Variants in TOPAZ1 observed in about 807,000 individuals in gnomAD.
TOPAZ1 encodes protein TOPAZ1.
TOPAZ1 carries 66 observed loss-of-function variants against 172.2 expected under a neutral mutation model. The ratio of observed to expected loss-of-function variants is 0.38; its 90% confidence interval spans 0.31 to 0.47. The LOEUF is 0.47. TOPAZ1 is among the 20% of genes least tolerant of loss of function. The probability of loss-of-function intolerance (pLI) is 0.99; values close to 1 mark genes in which losing one functional copy is unlikely to be tolerated. For missense variants in TOPAZ1, 1,822 were observed against 1,972.4 expected, an observed-to-expected ratio of 0.92 and a Z score of 1.44; for synonymous variants, 681 against 683.9, an observed-to-expected ratio of 1.00 and a Z score of 0.07.
intron 17 of TOPAZ1, among the ~76,000 whole-genome samples, chr3:44,322,673 T>A (rs970245665): frequency 6.6e-6 from 1 of 152,054 alleles, no homozygotes; most frequent in Non-Finnish European, 1.5e-5. Context: ...GATCAGACGA[T>A]ATGGGCGTGT....
intron 13 of TOPAZ1, among the ~76,000 whole-genome samples, 186 bp downstream of exon 13, chr3:44,304,267 A>C (rs931645663): frequency 1.3e-5 from 2 of 152,200 alleles, no homozygotes; most frequent in Non-Finnish European, 2.9e-5. Context: ...CAAACGTTTT[A>C]ATTTCTAGAG....
At chr3:44,305,109 C>G (rs1301187799) in intron 13 of TOPAZ1, 38 bp from the exon 14 acceptor site, 2 of 1,400,366 alleles carry the variant, frequency 1.4e-6, no homozygotes, top group Non-Finnish European at 1.9e-6. Flanking sequence ...AGTTTTCATT[C>G]TTTTTCTTTT....
downstream of TOPAZ1, among the ~76,000 whole-genome samples, chr3:44,333,963 G>A (rs142823620): frequency 6.2e-4 from 94 of 152,272 alleles, no homozygotes; most frequent in East Asian, 0.015. Context: ...AATTTGGACC[G>A]TATTAGCCAT....
chr3:44,256,883 G>A (rs916047501), intron 4 of TOPAZ1, among the ~76,000 whole-genome samples: 7 of 152,042 alleles, frequency 4.6e-5, no homozygotes, highest in African/African-American at 1.7e-4. Flanking sequence ...ATTGACTTAC[G>A]GGACATATGC....
chr3:44,258,384 C>T (rs1699738828), intron 4 of TOPAZ1, among the ~76,000 whole-genome samples: 1 of 152,182 alleles, frequency 6.6e-6, no homozygotes, highest in African/African-American at 2.4e-5. Context: ...CAAGATATTA[C>T]AGAACATTTC....
chr3:44,276,570 T>C (rs1240039793), intron 8 of TOPAZ1, among the ~76,000 whole-genome samples: 1 of 151,416 alleles, frequency 6.6e-6, no homozygotes, highest in Non-Finnish European at 1.5e-5. Flanking sequence ...TTTTGTTTAC[T>C]GTATCCTTAT....
At chr3:44,255,718 CACATAT>C (rs1337271320) in intron 3 of TOPAZ1, among the ~76,000 whole-genome samples, 25 of 16,388 alleles carry the variant, frequency 1.5e-3, no homozygotes, top group East Asian at 9.8e-3. Context: ...CACACACACA[CACATAT>C]ATATATGGTT....
intron 16 of TOPAZ1, among the ~76,000 whole-genome samples, chr3:44,317,620 A>C (rs1304927330): frequency 6.6e-6 from 1 of 152,222 alleles, no homozygotes; most frequent in Non-Finnish European, 1.5e-5. Context: ...GAATGTGCAT[A>C]TGTCAGAAGG....
In TOPAZ1 at chr3:44,328,298, G is replaced by A. The variant is rs780738707; in HGVS notation, c.4724G>A (p.Arg1575Gln). The change falls in exon 19 of 20, where the codon CGA becomes CAA. Residue 1575 changes from arginine (R) to glutamine (Q), a missense_variant. Physicochemically the swap from Arg to Gln is conservative, Grantham distance 43. Transcript: ENST00000309765. ...CYPPLEGNLYRKLLLIPSYLS... is the reference protein window; with the variant it reads ...CYPPLEGNLYQKLLLIPSYLS... ...CCACCATTGGAAGGAAATTTATACC[G>A]AAAACTTCTTCTAATTCCATCTTAT... The A allele has an allele frequency of 9.2e-5, 139 of 1,511,664 alleles. 1 individual carries two copies. The highest frequency in any genetic ancestry group is 8.3e-4 in the South Asian group (64 of 77,260). The allele number at this position is 1,511,664 out of a possible 1,614,324, so 93.6% of individuals were successfully genotyped here.
At chr3:44,277,209 C>A (rs941685925) in intron 8 of TOPAZ1, among the ~76,000 whole-genome samples, 4 of 152,162 alleles carry the variant, frequency 2.6e-5, no homozygotes, top group Non-Finnish European at 4.4e-5. Flanking sequence ...TTGTAGAGAT[C>A]TTTTACCTCA....
In TOPAZ1 at chr3:44,298,909, ATTTTTTTTT is replaced by A. The variant is rs1220596657; in HGVS notation, c.3798-5089_3798-5081del. Among the ~76,000 whole-genome samples, 53 of 41,300 alleles carry A rather than the reference ATTTTTTTTT, an allele frequency of 1.3e-3. 1 individual carries two copies. The highest frequency in any genetic ancestry group is 1.9e-3 in the Non-Finnish European group (45 of 23,136). The allele number at this position is 41,300 out of a possible 152,430, so 27.1% of individuals were successfully genotyped here. A position where few individuals can be genotyped will look rare whatever the true frequency, so the allele number is the denominator to read the frequency against. ...ATATATATTATATATATATATATAT[ATTTTTTTTT>A]TTTTTTTTTTTTTTTTCCCCCTGAG... On this transcript the variant is annotated intron_variant, in intron 12 of 19. Coordinates refer to ENST00000309765, the MANE Select transcript of TOPAZ1 (RefSeq NM_001145030.2).
intron 12 of TOPAZ1, among the ~76,000 whole-genome samples, chr3:44,303,479 C>CTTTTTTTTTTTT (rs34565826): frequency 9.1e-6 from 1 of 109,946 alleles, no homozygotes; most frequent in Admixed American, 9.6e-5. Context: ...TGCTTGCTTG[C>CTTTTTTTTTTTT]TTTTTTTTTT....
intron 18 of TOPAZ1, among the ~76,000 whole-genome samples, 186 bp downstream of exon 18, chr3:44,323,481 C>T (rs1291969853): frequency 1.3e-5 from 2 of 152,170 alleles, no homozygotes; most frequent in Non-Finnish European, 2.9e-5. Flanking sequence ...TTTCCAGTTG[C>T]TTTCCTTATT....
rs963629733 is a variant in TOPAZ1, at chr3:44,317,491, G to A, written c.4307-3536G>A. On this transcript the variant is annotated intron_variant, in intron 16 of 19. Transcript: ENST00000309765. ...TATCTTTAGATACTCCCCCATTTTA[G>A]TATTTACTGTTGGAAAAGATAATTA... Among the ~76,000 whole-genome samples the A allele has an allele frequency of 2.6e-5, 4 of 152,148 alleles. No homozygotes were observed. The East Asian group carries it at 5.8e-4, about 22-fold the overall frequency.
chr3:44,255,710 CACACACACACAT>C (rs745476165), intron 3 of TOPAZ1, among the ~76,000 whole-genome samples: 10,914 of 112,618 alleles, frequency 0.097, 1,078 homozygotes, highest in African/African-American at 0.17. Context: ...CACACACACA[CACACACACACAT>C]ATATATATGG....
chr3:44,282,643 G>T (rs1700035939), intron 9 of TOPAZ1, among the ~76,000 whole-genome samples: 1 of 152,066 alleles, frequency 6.6e-6, no homozygotes, highest in Non-Finnish European at 1.5e-5. Context: ...CATACTAATA[G>T]TGAGCTGCAA....
rs1559520819 is a variant in TOPAZ1 at position 44,242,133 on chromosome 3, C to T, written c.80C>T (p.Ala27Val). 6.5e-7 allele frequency: 1 copy of T among 1,548,874 alleles called. No homozygotes were observed. Among genetic ancestry groups the T allele is most frequent in the Non-Finnish European group, 8.7e-7 (1 of 1,146,524 alleles). The part of the protein sequence containing the change: ...GNVRNLQKRQ[A>V]PGPGAAGGCG... ...GTGCGAAACCTGCAGAAGCGGCAGG[C>T]GCCAGGGCCAGGCGCGGCGGGAGGC... Residue 27 changes from alanine (A) to valine (V), a missense_variant, in exon 1 of 20, where the codon GCG (alanine) becomes GTG (valine). Ala to Val is a moderately conservative substitution (Grantham distance 64, BLOSUM62 0). Around this residue, in one of 2 missense-constraint regions of TOPAZ1, gnomAD observed 1,489 missense variants for 1,490.8 expected, o/e 1.00. Coordinates refer to ENST00000309765, the MANE Select transcript of TOPAZ1 (RefSeq NM_001145030.2).
chr3:44,267,612 G>T (rs1289846234), intron 6 of TOPAZ1, among the ~76,000 whole-genome samples: 1 of 151,994 alleles, frequency 6.6e-6, no homozygotes, highest in Non-Finnish European at 1.5e-5. Flanking sequence ...TACTTTTGAT[G>T]GAACAACGTG....
chr3:44,323,727 G>T (rs182089590), intron 18 of TOPAZ1, among the ~76,000 whole-genome samples: 1 of 152,280 alleles, frequency 6.6e-6, no homozygotes, highest in East Asian at 1.9e-4. Flanking sequence ...GAAGCATAAA[G>T]GCTGTCATAA....
Sources: allele counts gnomAD v4.1 joint callset (sites outside exome capture counted in the v4.1 genomes callset), GRCh38; gene constraint gnomAD v4.1.1; regional missense constraint gnomAD v4.1.1; transcripts MANE v1.5; gene names NCBI Gene and HGNC (gene_info 2026-07-23, HGNC 2026-07-21).